CCDC90B: variants seen among roughly 807,000 people sequenced by gnomAD.
The protein encoded by CCDC90B is coiled-coil domain-containing protein 90B, mitochondrial.
A neutral mutation model predicts 37.0 loss-of-function variants in CCDC90B; 24 were observed. The ratio of observed to expected loss-of-function variants is 0.65; its 90% CI spans 0.47 to 0.91. CCDC90B has a LOEUF of 0.91. Ranked by LOEUF, CCDC90B falls within the 40% of genes least tolerant of loss-of-function variation. The probability of loss-of-function intolerance (pLI) is 0.00; values close to 1 mark genes in which losing one functional copy is unlikely to be tolerated. For missense variants in CCDC90B, 319 were observed against 299.0 expected, an observed-to-expected ratio of 1.07 and a Z score of -0.49; for synonymous variants, 113 against 101.1, an observed-to-expected ratio of 1.12 and a Z score of -0.71.
chr11:83,272,036 G>A (rs989177179), intron 7 of CCDC90B, among the ~76,000 whole-genome samples: 2 of 152,180 alleles, frequency 1.3e-5, no homozygotes, highest in African/African-American at 4.8e-5. Context: ...AACACCGCAT[G>A]TTCTCACTCA....
chr11:83,262,999 T>G (rs1864019567), intron 8 of CCDC90B, among the ~76,000 whole-genome samples: 1 of 152,172 alleles, frequency 6.6e-6, no homozygotes, highest in Admixed American at 6.5e-5. Context: ...ATTATCCCCA[T>G]TGTACAGATG....
rs1273411184 is a variant in CCDC90B at position 83,285,900 on chromosome 11, C to T, written c.73G>A (p.Gly25Arg). Residue 25 changes from glycine to arginine, a missense_variant, in exon 1 of 9, where the codon GGG becomes AGG. Transcript: ENST00000529689. ...CTCCGCAGGGCCGGCGAGAAATGCC[C>T]GCGGGGCCTTGAAACCCAACGATCT... ...RGDRWVSRPR[G>R]HFSPALRREF... 2 of 1,613,120 alleles carry T rather than the reference C, an allele frequency of 1.2e-6. No homozygotes were observed. The highest frequency in any genetic ancestry group is 1.7e-5 in the Admixed American group (1 of 59,978).
Position 83,286,329 on chromosome 11 carries a change from C to G in CCDC90B, c.-357G>C. ...CTGGCTCCCCCAAGATAGCCAGCGG[C>G]CATTACGCGCTTGGGTCGGGGGAGA... On this transcript the variant is annotated 5_prime_UTR_variant, in exon 1 of 9. Coordinates refer to ENST00000529689, the MANE Select transcript of CCDC90B (RefSeq NM_021825.5). The G allele has an allele frequency of 1.3e-6, 1 of 792,090 alleles. No homozygotes were observed. The highest frequency in any genetic ancestry group is 1.8e-5 in the South Asian group (1 of 55,344). 49.1% of individuals were successfully genotyped at this position (792,090 alleles called of 1,614,324 possible).
In CCDC90B at chr11:83,285,880, C is replaced by T. The variant is rs1395382737; in HGVS notation, c.93G>A (p.Leu31=). The change falls in exon 1 of 9, where the codon CTG becomes CTA. Residue 31 remains leucine (L), a synonymous_variant. Transcript: ENST00000529689. ...SRPRGHFSPA[L]RREFFTTTTK... ...CACGACGCCTTGCCTCACCTCTCCG[C>T]AGGGCCGGCGAGAAATGCCCGCGGG... is the stretch of plus-strand genomic sequence containing the variant. 1 of 1,612,238 alleles carries T rather than the reference C, an allele frequency of 6.2e-7. No individual in the cohort carries two copies. Among genetic ancestry groups the T allele is most frequent in the African/African-American group, 1.3e-5 (1 of 74,908 alleles).
rs1864245518 is a variant in CCDC90B, at chr11:83,266,030, G to A, written c.595-51C>T. The A allele has an allele frequency of 5.4e-6, 5 of 933,748 alleles. 1 individual carries two copies. The highest frequency in any genetic ancestry group is 8.6e-6 in the Non-Finnish European group (5 of 580,284). 57.8% of individuals were successfully genotyped at this position (933,748 alleles called of 1,614,324 possible). A position where few individuals can be genotyped will look rare whatever the true frequency, so the allele number is the denominator to read the frequency against. ...TTAATTTTGTCCCTATGTATTAAAT[G>A]GACAAAAGCATTTACATTATAAACC... On this transcript the variant is annotated intron_variant, in intron 7 of 8. Transcript: ENST00000529689.
chr11:83,264,627 T>C (rs1052664744), intron 8 of CCDC90B, among the ~76,000 whole-genome samples: 26 of 152,130 alleles, frequency 1.7e-4, no homozygotes, highest in Non-Finnish European at 2.9e-4. Context: ...GCCCTTAACA[T>C]TTTTTCCTTC....
At chr11:83,271,982 A>C (rs1448499922) in intron 7 of CCDC90B, among the ~76,000 whole-genome samples, 1 of 152,210 alleles carries the variant, frequency 6.6e-6, no homozygotes, top group African/African-American at 2.4e-5. Context: ...GGATGAAGCC[A>C]GAAACCATCA....
At chr11:83,262,741 C>G (rs936050294) in intron 8 of CCDC90B, among the ~76,000 whole-genome samples, 7 of 152,068 alleles carry the variant, frequency 4.6e-5, no homozygotes, top group Non-Finnish European at 1.0e-4. Flanking sequence ...TGTACACCAC[C>G]CCATTTGATC....
In CCDC90B at chr11:83,286,252, GT is replaced by G. The variant is rs1865687565; in HGVS notation, c.-281del. 4 of 1,452,954 alleles carry G rather than the reference GT, an allele frequency of 2.8e-6. No homozygotes were observed. Among genetic ancestry groups the G allele is most frequent in the Admixed American group, 2.1e-5 (1 of 48,240 alleles). The allele number at this position is 1,452,954 out of a possible 1,614,324, so 90.0% of individuals were successfully genotyped here. On this transcript the variant is annotated 5_prime_UTR_variant, in exon 1 of 9. It removes the in-frame stop codon of an upstream open reading frame in the 5' UTR. Coordinates refer to ENST00000529689, the MANE Select transcript of CCDC90B (RefSeq NM_021825.5). ...CACCGCCCTAGGAAAGCGAGATCTT[GT>G]CAGAGAACCTTCCGGCGCCTGTTTC...
At chr11:83,273,100 TA>T (rs11311301) in intron 7 of CCDC90B, 152,256 of 152,258 alleles carry the variant, frequency 1, 76,127 homozygotes, top group Non-Finnish European at 1. Flanking sequence ...TCTGGCACAT[TA>T]AATAAACACT....
chr11:83,286,335 C>G lies in CCDC90B; in HGVS notation c.-363G>C. 1.3e-6 allele frequency: 1 copy of G among 761,728 alleles called. No homozygotes were observed. The highest frequency in any genetic ancestry group is 1.8e-5 in the South Asian group (1 of 54,592). 47.2% of individuals were successfully genotyped at this position (761,728 alleles called of 1,614,324 possible). A position where few individuals can be genotyped will look rare whatever the true frequency, so the allele number is the denominator to read the frequency against. On this transcript the variant is annotated 5_prime_UTR_variant, in exon 1 of 9. Coordinates refer to ENST00000529689, the MANE Select transcript of CCDC90B (RefSeq NM_021825.5). ...CCCCCAAGATAGCCAGCGGCCATTA[C>G]GCGCTTGGGTCGGGGGAGATGGAGT...
At chr11:83,262,080 T>G in intron 8 of CCDC90B, 114 bp from the exon 9 acceptor site, 1 of 661,646 alleles carries the variant, frequency 1.5e-6, no homozygotes, top group East Asian at 2.8e-5. Context: ...CCAACCAATT[T>G]TCTATCCTAT....
intron 7 of CCDC90B, among the ~76,000 whole-genome samples, chr11:83,267,774 C>G (rs143178238): frequency 8.5e-5 from 13 of 152,244 alleles, no homozygotes; most frequent in African/African-American, 3.1e-4. Context: ...CAAAGATACT[C>G]CTTAAGAAGA....
intron 7 of CCDC90B, among the ~76,000 whole-genome samples, chr11:83,268,488 A>G (rs1237868611): frequency 6.6e-6 from 1 of 152,138 alleles, no homozygotes; most frequent in Non-Finnish European, 1.5e-5. Flanking sequence ...CTTTAAACCA[A>G]CAAAGATCAA....
At chr11:83,276,165 T>G (rs598676) in intron 3 of CCDC90B, among the ~76,000 whole-genome samples, 83,093 of 151,954 alleles carry the variant, frequency 0.55, 23,583 homozygotes, top group Middle Eastern at 0.66. Context: ...ACATATTTTA[T>G]GAGAATTAAT....
In CCDC90B at chr11:83,260,284, C is replaced by A. The variant is rs900471675; in HGVS notation, c.*1627G>T. The A allele has an allele frequency of 6.6e-6, 1 of 152,184 alleles. No individual in the cohort carries two copies. The highest frequency in any genetic ancestry group is 2.4e-5 in the African/African-American group (1 of 41,438). The allele number at this position is 152,184 out of a possible 1,614,324, so 9.4% of individuals were successfully genotyped here. A position where few individuals can be genotyped will look rare whatever the true frequency, so the allele number is the denominator to read the frequency against. On this transcript the variant is annotated 3_prime_UTR_variant, in exon 9 of 9. Coordinates refer to ENST00000529689, the MANE Select transcript of CCDC90B (RefSeq NM_021825.5). Reference sequence around the variant, plus strand: ...GAAACCATGTTCATCTCTGTGCACACAGGGACTAGCATGCTGTTTGGCATA... The same window carrying A: ...GAAACCATGTTCATCTCTGTGCACAAAGGGACTAGCATGCTGTTTGGCATA...
At chr11:83,281,690 G>A (rs1372631950) in intron 1 of CCDC90B, among the ~76,000 whole-genome samples, 1 of 151,928 alleles carries the variant, frequency 6.6e-6, no homozygotes, top group Non-Finnish European at 1.5e-5. Context: ...AAAAGGGGCA[G>A]ATTTCAGTAG....
At chr11:83,280,683 C>T (rs1256224321) in intron 1 of CCDC90B, among the ~76,000 whole-genome samples, 2 of 152,216 alleles carry the variant, frequency 1.3e-5, no homozygotes, top group Admixed American at 1.3e-4. Flanking sequence ...GCTTTCCATA[C>T]TCCCACTCAC....
At position 83,272,569 on chromosome 11, in the gene CCDC90B, G is replaced by T. The variant is rs556855627; in HGVS notation, c.594+1078C>A. On this transcript the variant is annotated intron_variant, in intron 7 of 8. Transcript: ENST00000529689. ...GGAACTGGCATAAATAACCTGATGG[G>T]TAACACTGATACAGGTATAGGGGAC... 2.0e-5 allele frequency among the ~76,000 whole-genome samples: 3 copies of T among 152,248 alleles called. No homozygotes were observed. In the East Asian group the frequency reaches 5.8e-4, roughly 29 times the overall value.
Sources: allele counts gnomAD v4.1 joint callset (sites outside exome capture counted in the v4.1 genomes callset), GRCh38; gene constraint gnomAD v4.1.1; transcripts MANE v1.5; gene names NCBI Gene and HGNC (gene_info 2026-07-23, HGNC 2026-07-21).